CA12: variants seen among roughly 807,000 people sequenced by gnomAD.
The protein encoded by CA12 is carbonic anhydrase 12, also known as carbonate dehydratase XII.
Under a neutral mutation model 46.8 loss-of-function variants are expected in CA12, and 36 were observed. The ratio of observed to expected loss-of-function variants is 0.77; its 90% CI spans 0.59 to 1.02. The LOEUF (loss-of-function observed/expected upper bound fraction) is 1.02. Ranked by LOEUF, CA12 falls within the 50% of genes least tolerant of loss-of-function variation. The probability of loss-of-function intolerance (pLI) is 0.00; values close to 1 mark genes in which losing one functional copy is unlikely to be tolerated. For missense variants in CA12, 436 were observed against 451.4 expected, an observed-to-expected ratio of 0.97 and a Z score of 0.31; for synonymous variants, 202 against 187.0, an observed-to-expected ratio of 1.08 and a Z score of -0.65.
Position 63,345,423 on chromosome 15 carries a change from G to C in CA12, c.429+54C>G. 1 of 1,597,298 alleles carries C rather than the reference G, an allele frequency of 6.3e-7. No individual in the cohort carries two copies. The highest frequency in any genetic ancestry group is 8.5e-7 in the Non-Finnish European group (1 of 1,177,656). ...TCTGCACAGCAGCCAGGTCGAGAAG[G>C]TGCCACACCACCCACTGCAGAGCAG... On this transcript the variant is annotated intron_variant, in intron 4 of 10. Coordinates refer to ENST00000178638, the MANE Select transcript of CA12 (RefSeq NM_001218.5). The surrounding 1 kb of genome is among the most constrained non-coding windows in gnomAD (Gnocchi z 4.3).
At chr15:63,352,384 T>G (rs998870845) in intron 2 of CA12, among the ~76,000 whole-genome samples, 5 of 152,146 alleles carry the variant, frequency 3.3e-5, no homozygotes, top group African/African-American at 1.2e-4. Context: ...TGAAGAGGCT[T>G]GAGCAAACTG....
chr15:63,361,487 G>C (rs1239137457), intron 2 of CA12, among the ~76,000 whole-genome samples: 1 of 152,180 alleles, frequency 6.6e-6, no homozygotes, highest in Non-Finnish European at 1.5e-5. Context: ...CTAGCATCTA[G>C]TGGGCAGAGG....
intron 8 of CA12, among the ~76,000 whole-genome samples, chr15:63,332,145 C>T (rs990220828): frequency 2.0e-5 from 3 of 152,106 alleles, no homozygotes; most frequent in Non-Finnish European, 4.4e-5. Context: ...GTAAAAAGCC[C>T]CTTATTATTA....
At chr15:63,353,125 T>C (rs949263414) in intron 2 of CA12, among the ~76,000 whole-genome samples, 3 of 152,096 alleles carry the variant, frequency 2.0e-5, no homozygotes, top group African/African-American at 4.8e-5. Context: ...AAGAGACTGA[T>C]AATAAATAAC....
At position 63,341,373 on chromosome 15, in the gene CA12, G is replaced by A. The variant is rs561944854; in HGVS notation, c.526-590C>T. ...AAGCAAGCATTACAGCCTGAGCTCC[G>A]CCCCCTGTCAAATCAGCAGAGGCCT... On this transcript the variant is annotated intron_variant, in intron 5 of 10. Transcript: ENST00000178638. The surrounding 1 kb of genome is among the most constrained non-coding windows in gnomAD (Gnocchi z 5.2). 2.6e-5 allele frequency among the ~76,000 whole-genome samples: 4 copies of A among 152,288 alleles called. No homozygotes were observed. The South Asian group carries it at 6.2e-4, about 24-fold the overall frequency.
In CA12 at chr15:63,341,454, G is replaced by C. The variant is rs2039079152; in HGVS notation, c.525+548C>G. 6.6e-6 allele frequency among the ~76,000 whole-genome samples: 1 copy of C among 152,226 alleles called. No homozygotes were observed. The highest frequency in any genetic ancestry group is 6.5e-5 in the Admixed American group (1 of 15,290). On this transcript the variant is annotated intron_variant, in intron 5 of 10. Transcript: ENST00000178638. The surrounding 1 kb of genome is among the most constrained non-coding windows in gnomAD (Gnocchi z 5.2). ...TGAACTGCGCATGCAAGGGATCTAG[G>C]CTGTGTATTCCTTACGGAATCTAAC...
intron 2 of CA12, among the ~76,000 whole-genome samples, chr15:63,350,153 A>G (rs900668341): frequency 1.3e-5 from 2 of 152,288 alleles, no homozygotes; most frequent in South Asian, 2.1e-4. Context: ...CCCGCCTTGC[A>G]TAGCTGGGGA....
At chr15:63,342,826 G>A (rs1567044838) in intron 4 of CA12, among the ~76,000 whole-genome samples, 1 of 152,116 alleles carries the variant, frequency 6.6e-6, no homozygotes. Context: ...GACATATTGA[G>A]ATTTTAACTC....
chr15:63,321,929 C>G lies in CA12; in HGVS notation c.*4356G>C, dbSNP rs987007990. ...TGATTTTCCTCCTGCCCTCCTGTCT[C>G]CCTCCCTGGCTTCACCCACAAGGCT... On this transcript the variant is annotated 3_prime_UTR_variant, in exon 11 of 11. Transcript: ENST00000178638. The surrounding 1 kb of genome is among the most constrained non-coding windows in gnomAD (Gnocchi z 4.5). 2 of 151,746 alleles carry G rather than the reference C, an allele frequency of 1.3e-5. No individual in the cohort carries two copies. The highest frequency in any genetic ancestry group is 4.8e-5 in the African/African-American group (2 of 41,238). 9.4% of individuals were successfully genotyped at this position (151,746 alleles called of 1,614,324 possible). A position where few individuals can be genotyped will look rare whatever the true frequency, so the allele number is the denominator to read the frequency against.
intron 2 of CA12, among the ~76,000 whole-genome samples, chr15:63,358,115 G>A (rs2039316090): frequency 6.6e-6 from 1 of 152,142 alleles, no homozygotes; most frequent in Admixed American, 6.5e-5. Context: ...TTAAATATTT[G>A]ACTCTAGTTA....
chr15:63,327,039 G>T lies in CA12; in HGVS notation c.992+110C>A. 1 of 945,436 alleles carries T rather than the reference G, an allele frequency of 1.1e-6. No individual in the cohort carries two copies. Among genetic ancestry groups the T allele is most frequent in the Non-Finnish European group, 1.7e-6 (1 of 589,492 alleles). The allele number at this position is 945,436 out of a possible 1,614,324, so 58.6% of individuals were successfully genotyped here. On this transcript the variant is annotated intron_variant, in intron 10 of 10. Transcript: ENST00000178638. This position sits in a 1 kb window ranked among gnomAD's most constrained non-coding sequence, Gnocchi z 4.5. ...TGGGGACGGCCCTCCTAGGGTAAGT[G>T]GTGGTCCAGGTGACTGCGGCTCTTC...
rs924913690 is a variant in CA12 at position 63,372,727 on chromosome 15, C to T, written c.106+2931G>A. ...ACAGGTGCCAGCTGCCAGCCAGGAC[C>T]TAAGGAGGAGCTAGCCAAGACCTCA... is the stretch of plus-strand genomic sequence containing the variant. On this transcript the variant is annotated intron_variant, in intron 2 of 10. Coordinates refer to ENST00000178638, the MANE Select transcript of CA12 (RefSeq NM_001218.5). The surrounding 1 kb of genome is among the most constrained non-coding windows in gnomAD (Gnocchi z 4.5). Among the ~76,000 whole-genome samples, 7 of 152,194 alleles carry T rather than the reference C, an allele frequency of 4.6e-5. No homozygotes were observed. Among genetic ancestry groups the T allele is most frequent in the Non-Finnish European group, 1.0e-4 (7 of 68,030 alleles).
rs749192323 is a variant in CA12, at chr15:63,328,131, C to T, written c.875-1G>A. ...AGTCCTGCCGCAGTACAGACTTGCA[C>T]TTAAAAGGGGAGAGGAAAAGACGAG... is the stretch of plus-strand genomic sequence containing the variant. On this transcript the variant is annotated splice_acceptor_variant, in intron 8 of 10. Coordinates refer to ENST00000178638, the MANE Select transcript of CA12 (RefSeq NM_001218.5). LOFTEE classifies it high-confidence loss of function. This position sits in a 1 kb window ranked among gnomAD's most constrained non-coding sequence, Gnocchi z 5.9. The T allele has an allele frequency of 6.2e-7, 1 of 1,613,978 alleles. No individual in the cohort carries two copies. Among genetic ancestry groups the T allele is most frequent in the South Asian group, 1.1e-5 (1 of 91,066 alleles).
chr15:63,345,780 G>A lies in CA12; in HGVS notation c.287-161C>T, dbSNP rs926778088. On this transcript the variant is annotated intron_variant, in intron 3 of 10. Transcript: ENST00000178638. The surrounding 1 kb of genome is among the most constrained non-coding windows in gnomAD (Gnocchi z 4.3). ...GTGCGGAGCAGAGATGCAGCCTAAA[G>A]GTCAGACACCTGGGCTCTTTCCCTG... Among the ~76,000 whole-genome samples, 3 of 152,166 alleles carry A rather than the reference G, an allele frequency of 2.0e-5. No individual in the cohort carries two copies. Among genetic ancestry groups the A allele is most frequent in the African/African-American group, 7.2e-5 (3 of 41,440 alleles).
chr15:63,328,056 C>A lies in CA12; in HGVS notation c.907+42G>T. 1 of 1,596,152 alleles carries A rather than the reference C, an allele frequency of 6.3e-7. No homozygotes were observed. Among genetic ancestry groups the A allele is most frequent in the South Asian group, 1.1e-5 (1 of 90,676 alleles). ...GGATCACACCAAGAATCACAGTGAT[C>A]ACCCAGCTGCAGCATGCACGGCTGG... On this transcript the variant is annotated intron_variant, in intron 9 of 10. Transcript: ENST00000178638. This position sits in a 1 kb window ranked among gnomAD's most constrained non-coding sequence, Gnocchi z 5.9.
chr15:63,378,387 C>CA lies in CA12; in HGVS notation c.86-2710dup, dbSNP rs563727228. On this transcript the variant is annotated intron_variant, in intron 1 of 10. Transcript: ENST00000178638. This position sits in a 1 kb window ranked among gnomAD's most constrained non-coding sequence, Gnocchi z 4.8. ...TGGGTGACAGAGCGAGACTCTGTCT[C>CA]AAAAAAAAAATTTCCCTAAGCTTAG... is the stretch of plus-strand genomic sequence containing the variant. Among the ~76,000 whole-genome samples the CA allele has an allele frequency of 3.2e-3, 481 of 148,514 alleles. 2 individuals carry two copies. The highest frequency in any genetic ancestry group is 3.4e-3 in the Non-Finnish European group (228 of 66,900).
Position 63,339,435 on chromosome 15 carries a change from T to G in CA12, c.748-490A>C, listed in dbSNP as rs550726429. Among the ~76,000 whole-genome samples the G allele has an allele frequency of 2.0e-5, 3 of 152,270 alleles. No individual in the cohort carries two copies. Among genetic ancestry groups the G allele is most frequent in the East Asian group, 3.9e-4 (2 of 5,182 alleles). ...TGGCATTTTCATGCACCTGCATAGA[T>G]TATATAACCCTTTCCCAAGGCAGTT... On this transcript the variant is annotated intron_variant, in intron 7 of 10. Coordinates refer to ENST00000178638, the MANE Select transcript of CA12 (RefSeq NM_001218.5). This position sits in a 1 kb window ranked among gnomAD's most constrained non-coding sequence, Gnocchi z 4.3.
At chr15:63,376,947 A>G (rs915357993) in intron 1 of CA12, among the ~76,000 whole-genome samples, 11 of 152,104 alleles carry the variant, frequency 7.2e-5, no homozygotes, top group African/African-American at 2.7e-4. Flanking sequence ...CCAGCTGGGA[A>G]AAAGTTTCTC....
At chr15:63,337,738 G>A (rs759504283) in intron 8 of CA12, among the ~76,000 whole-genome samples, 2 of 152,196 alleles carry the variant, frequency 1.3e-5, no homozygotes, top group African/African-American at 2.4e-5. Flanking sequence ...CACCGTGCCC[G>A]GCTAATTTTT....
Sources: gnomAD v4.1 joint callset for allele counts (sites outside exome capture counted in the v4.1 genomes callset) on GRCh38, gnomAD v4.1.1 for gene constraint, Gnocchi (gnomAD v3.1) non-coding constraint, MANE v1.5 for transcripts, NCBI Gene and HGNC (gene_info 2026-07-23, HGNC 2026-07-21) for gene names.